PTPDC1: variants seen among roughly 807,000 people sequenced by gnomAD.
PTPDC1 encodes protein tyrosine phosphatase domain-containing protein 1.
Under a neutral mutation model 75.3 loss-of-function variants are expected in PTPDC1, and 53 were observed. The observed-to-expected ratio is 0.70, with a 90% CI of 0.56 to 0.88. The LOEUF is 0.88. Ranked by LOEUF, PTPDC1 falls within the 40% of genes least tolerant of loss-of-function variation. PTPDC1 has a pLI of 0.00. For synonymous variants in PTPDC1, 349 were observed against 366.2 expected (o/e 0.95, Z 0.54); for missense variants, 925 against 998.6 (o/e 0.93, Z 0.99).
In PTPDC1 at chr9:94,101,701, T is replaced by C. The variant is rs753925904; in HGVS notation, c.2149T>C (p.Leu717=). 23 of 1,612,924 alleles carry C rather than the reference T, an allele frequency of 1.4e-5. No individual in the cohort carries two copies. Among genetic ancestry groups the C allele is most frequent in the Non-Finnish European group, 1.2e-5 (14 of 1,179,286 alleles). ...AATCACCAAAGAGGATGTGGACATGTTGGTTGACAGGCGAGCAGATGCCGC... is the reference window on the plus strand; with the variant it reads ...AATCACCAAAGAGGATGTGGACATGCTGGTTGACAGGCGAGCAGATGCCGC... ...PVITKEDVDM[L]VDRRADAAEA... The change falls in exon 7 of 9, where the codon TTG becomes CTG. Residue 717 remains leucine (L), a synonymous_variant. Coordinates refer to ENST00000620992, the MANE Select transcript of PTPDC1 (RefSeq NM_001253829.2).
At chr9:94,059,358 G>T (rs894649914) in intron 1 of PTPDC1, among the ~76,000 whole-genome samples, 2 of 152,182 alleles carry the variant, frequency 1.3e-5, no homozygotes, top group Non-Finnish European at 2.9e-5. Context: ...CTTGAAAGTG[G>T]AGGGGAAAAT....
Position 94,085,393 on chromosome 9 carries a change from GC to G in PTPDC1, c.388del (p.Gln130LysfsTer40), listed in dbSNP as rs762395780. 1 of 1,614,226 alleles carries G rather than the reference GC, an allele frequency of 6.2e-7. No individual in the cohort carries two copies. Among genetic ancestry groups the G allele is most frequent in the Non-Finnish European group, 8.5e-7 (1 of 1,180,040 alleles). ...ENPARWSEQE[Q>X]AIKGVYSSWV... Reference sequence around the variant, plus strand: ...ACCCAGCCCGCTGGAGTGAGCAGGAGCAAGCCATTAAGGGGGTTTACTCATC... The same window carrying G: ...ACCCAGCCCGCTGGAGTGAGCAGGAGAAGCCATTAAGGGGGTTTACTCATC... On this transcript the variant is annotated frameshift_variant, in exon 2 of 9. Transcript: ENST00000620992. LOFTEE classifies it high-confidence loss of function.
At chr9:94,095,238 T>C in intron 4 of PTPDC1, 79 bp from the exon 5 acceptor site, 1 of 1,111,664 alleles carries the variant, frequency 9.0e-7, no homozygotes, top group Non-Finnish European at 1.3e-6. Flanking sequence ...TCAGTGTAGA[T>C]CTGTGTACTT....
At chr9:94,063,315 A>G (rs1425837240) in intron 1 of PTPDC1, among the ~76,000 whole-genome samples, 3 of 152,254 alleles carry the variant, frequency 2.0e-5, no homozygotes. Flanking sequence ...ATTTTAAAAT[A>G]TGGTAAAAAA....
Position 94,109,462 on chromosome 9 carries a change from T to C in PTPDC1, c.*1518T>C, listed in dbSNP as rs965345197. ...GTTCTTTCACACTGTTTTAATTTTC[T>C]TGGGAAATTGAGTCCAGTGGATGTT... is the stretch of plus-strand genomic sequence containing the variant. On this transcript the variant is annotated 3_prime_UTR_variant, in exon 9 of 9. Transcript: ENST00000620992. 3.3e-5 allele frequency: 5 copies of C among 152,218 alleles called. No individual in the cohort carries two copies. The highest frequency in any genetic ancestry group is 5.9e-5 in the Non-Finnish European group (4 of 68,038). The allele number at this position is 152,218 out of a possible 1,614,324, so 9.4% of individuals were successfully genotyped here.
intron 4 of PTPDC1, among the ~76,000 whole-genome samples, chr9:94,091,037 T>A (rs1366557771): frequency 6.6e-6 from 1 of 152,070 alleles, no homozygotes; most frequent in African/African-American, 2.4e-5. Context: ...ACAGGGACAA[T>A]TTGACTTCCT....
chr9:94,073,593 C>A (rs1476047327), intron 2 of PTPDC1, among the ~76,000 whole-genome samples: 1 of 152,096 alleles, frequency 6.6e-6, no homozygotes, highest in Non-Finnish European at 1.5e-5. Flanking sequence ...TTTAATCTTA[C>A]TGACTTATGT....
At chr9:94,046,879 T>C (rs1196220102) in intron 1 of PTPDC1, among the ~76,000 whole-genome samples, 1 of 152,202 alleles carries the variant, frequency 6.6e-6, no homozygotes, top group Non-Finnish European at 1.5e-5. Flanking sequence ...CTTCCAACAC[T>C]ATGTTGAATA....
chr9:94,056,317 C>T (rs1825934635), intron 1 of PTPDC1, among the ~76,000 whole-genome samples: 1 of 151,920 alleles, frequency 6.6e-6, no homozygotes, highest in Non-Finnish European at 1.5e-5. Context: ...GGCTTCCACT[C>T]CTATTTTTTG....
At chr9:94,095,284 T>C (rs746609793) in intron 4 of PTPDC1, 33 bp from the exon 5 acceptor site, 2 of 1,550,262 alleles carry the variant, frequency 1.3e-6, no homozygotes, top group Non-Finnish European at 1.8e-6. Context: ...ATTTCCTGTA[T>C]GTTGATTTTC....
chr9:94,033,749 A>G (rs1829771505), intron 1 of PTPDC1, among the ~76,000 whole-genome samples: 1 of 152,238 alleles, frequency 6.6e-6, no homozygotes, highest in Non-Finnish European at 1.5e-5. Flanking sequence ...ATTTAAGATC[A>G]TTTTGATTTC....
chr9:94,104,483 A>G (rs1046819400), intron 8 of PTPDC1, 98 bp downstream of exon 8: 3 of 685,754 alleles, frequency 4.4e-6, no homozygotes, highest in African/African-American at 3.5e-5. Context: ...AAAATAAAAC[A>G]TGTATGTGTA....
At chr9:94,103,835 A>G (rs1024195506) in intron 7 of PTPDC1, among the ~76,000 whole-genome samples, 2 of 152,192 alleles carry the variant, frequency 1.3e-5, no homozygotes, top group South Asian at 2.1e-4. Context: ...TTCTTTGTCT[A>G]CCTGCCTCCC....
At chr9:94,062,280 T>A (rs1826166751) in intron 1 of PTPDC1, among the ~76,000 whole-genome samples, 1 of 152,170 alleles carries the variant, frequency 6.6e-6, no homozygotes, top group South Asian at 2.1e-4. Flanking sequence ...ATCTGAGACC[T>A]CCTCAGCCTG....
At position 94,098,014 on chromosome 9, in the gene PTPDC1, T is replaced by C. The variant is rs1026400945; in HGVS notation, c.1448T>C (p.Leu483Pro). 3.1e-6 allele frequency: 5 copies of C among 1,613,996 alleles called. No individual in the cohort carries two copies. The African/African-American group carries it at 6.7e-5, about 22-fold the overall frequency. ...LVGHKPRQQK[L>P]ISHCYIPQSP... ...GGCCACAAGCCCAGGCAGCAGAAGC[T>C]CATAAGCCATTGTTACATCCCACAG... The change falls in exon 6 of 9, where the codon CTC (leucine) becomes CCC (proline). Residue 483 changes from leucine to proline, a missense_variant. Transcript: ENST00000620992.
chr9:94,037,516 CTT>C (rs1183352268), intron 1 of PTPDC1, among the ~76,000 whole-genome samples: 1 of 151,904 alleles, frequency 6.6e-6, no homozygotes, highest in Non-Finnish European at 1.5e-5. Flanking sequence ...GATATGTTCT[CTT>C]TTGTAGCTTG....
rs756786755 is a variant in PTPDC1 at position 94,097,481 on chromosome 9, C to A, written c.915C>A (p.Phe305Leu). 4 of 1,614,078 alleles carry A rather than the reference C, an allele frequency of 2.5e-6. No individual in the cohort carries two copies. Among genetic ancestry groups the A allele is most frequent in the African/African-American group, 1.3e-5 (1 of 74,942 alleles). The change falls in exon 6 of 9, where the codon TTC becomes TTA. Residue 305 changes from phenylalanine (F) to leucine (L), a missense_variant. Phe to Leu is a conservative substitution (Grantham distance 22, BLOSUM62 0). Transcript: ENST00000620992. ...TQFLTPLRNIFSCCDPKAHAV... is the reference protein window; with the variant it reads ...TQFLTPLRNILSCCDPKAHAV... ...TTCTAACTCCTCTCCGCAATATATT[C>A]TCTTGCTGTGATCCCAAAGCACATG... is the stretch of plus-strand genomic sequence containing the variant.
rs148805174 is a variant in PTPDC1 at position 94,085,592 on chromosome 9, C to A, written c.416+170C>A. On this transcript the variant is annotated intron_variant, in intron 2 of 8. Transcript: ENST00000620992. ...AGCTGTGTGATCTTGGCCTATTGAC[C>A]CTCAGTTTCTTTATCTGTAAGGTGG... Among the ~76,000 whole-genome samples the A allele has an allele frequency of 1.9e-3, 286 of 152,216 alleles. 4 individuals are homozygous for A. The highest frequency in any genetic ancestry group is 6.6e-3 in the African/African-American group (275 of 41,496).
chr9:94,065,075 T>C (rs576578976), intron 2 of PTPDC1, among the ~76,000 whole-genome samples: 2 of 152,290 alleles, frequency 1.3e-5, no homozygotes, highest in Non-Finnish European at 2.9e-5. Flanking sequence ...GCTGAGATTA[T>C]GCATTTGTTC....
Sources: allele counts gnomAD v4.1 joint callset (sites outside exome capture counted in the v4.1 genomes callset), GRCh38; gene constraint gnomAD v4.1.1; transcripts MANE v1.5; gene names NCBI Gene and HGNC (gene_info 2026-07-23, HGNC 2026-07-21).